The following MAMDC2 variants were observed in gnomAD, a reference collection of about 807,000 sequenced individuals.
The protein encoded by MAMDC2 is MAM domain containing 2.
A neutral mutation model predicts 89.8 loss-of-function variants in MAMDC2; 57 were observed. The observed-to-expected ratio is 0.63, with a 90% confidence interval of 0.51 to 0.79. The LOEUF (loss-of-function observed/expected upper bound fraction) is 0.79. Ranked by LOEUF, MAMDC2 falls within the 30% of genes least tolerant of loss-of-function variation. The probability of loss-of-function intolerance (pLI) is 0.00; values close to 1 mark genes in which losing one functional copy is unlikely to be tolerated. For synonymous variants in MAMDC2, 313 were observed against 293.4 expected (o/e 1.07, Z -0.68); for missense variants, 800 against 820.6 (o/e 0.97, Z 0.31).
chr9:70,049,363 C>T (rs1187733837), intron 2 of MAMDC2, among the ~76,000 whole-genome samples: 1 of 152,064 alleles, frequency 6.6e-6, no homozygotes, highest in Non-Finnish European at 1.5e-5. Flanking sequence ...GTTCTGCACT[C>T]AGTCATGTGC....
intron 7 of MAMDC2, among the ~76,000 whole-genome samples, chr9:70,136,818 T>C (rs767629851): frequency 6.6e-6 from 1 of 152,222 alleles, no homozygotes. Flanking sequence ...CTGAATACTT[T>C]AATGGGGTTT....
chr9:70,204,950 C>T (rs571533494), intron 11 of MAMDC2, among the ~76,000 whole-genome samples: 5 of 152,250 alleles, frequency 3.3e-5, no homozygotes, highest in Admixed American at 3.3e-4. Context: ...CCTGCCCCCA[C>T]TGTCTGGCAC....
At chr9:70,185,236 T>C (rs1927141) in intron 11 of MAMDC2, among the ~76,000 whole-genome samples, 138,429 of 152,300 alleles carry the variant, frequency 0.91, 63,121 homozygotes, top group East Asian at 0.98. Flanking sequence ...AGATTGCTGC[T>C]TGCTCCTTTC....
chr9:70,169,991 C>A (rs2032283167), intron 10 of MAMDC2: 1 of 153,112 alleles, frequency 6.5e-6, no homozygotes, highest in South Asian at 2.1e-4. Context: ...GAAGTGAAGT[C>A]ATTTGTTCCA....
At chr9:70,135,586 A>G (rs1198562714) in intron 7 of MAMDC2, among the ~76,000 whole-genome samples, 2 of 152,190 alleles carry the variant, frequency 1.3e-5, no homozygotes, top group Non-Finnish European at 2.9e-5. Flanking sequence ...GACTCAGTCT[A>G]TCACCATGGA....
At chr9:70,162,695 T>C (rs898531443) in intron 9 of MAMDC2, among the ~76,000 whole-genome samples, 2 of 152,038 alleles carry the variant, frequency 1.3e-5, no homozygotes, top group Non-Finnish European at 2.9e-5. Flanking sequence ...TTTTGCCATG[T>C]TGCTCAGGCT....
chr9:70,197,942 G>A (rs2033005469), intron 11 of MAMDC2, among the ~76,000 whole-genome samples: 1 of 151,988 alleles, frequency 6.6e-6, no homozygotes. Flanking sequence ...CATCACGAAT[G>A]CATTTTATTA....
At chr9:70,192,504 C>G (rs1314202433) in intron 11 of MAMDC2, among the ~76,000 whole-genome samples, 4 of 152,072 alleles carry the variant, frequency 2.6e-5, no homozygotes, top group African/African-American at 9.7e-5. Flanking sequence ...CTAAGATTAC[C>G]TTATTCCACG....
At chr9:70,088,968 C>T (rs1289153696) in intron 2 of MAMDC2, 1 of 152,112 alleles carries the variant, frequency 6.6e-6, no homozygotes, top group Admixed American at 6.6e-5. Context: ...TTGTGCTGGG[C>T]ACTTTCCATG....
intron 2 of MAMDC2, among the ~76,000 whole-genome samples, chr9:70,068,678 C>T (rs182490255): frequency 7.1e-6 from 1 of 141,412 alleles, no homozygotes; most frequent in East Asian, 2.2e-4. Context: ...AGTGAGATCG[C>T]ACCACTGCAT....
chr9:70,187,646 C>T (rs1031172831), intron 11 of MAMDC2, among the ~76,000 whole-genome samples: 1 of 152,090 alleles, frequency 6.6e-6, no homozygotes, highest in African/African-American at 2.4e-5. Flanking sequence ...TACCCCACCC[C>T]CAGAAAACTA....
intron 2 of MAMDC2, among the ~76,000 whole-genome samples, chr9:70,055,193 GAGAT>G (rs1827001102): frequency 6.6e-6 from 1 of 151,380 alleles, no homozygotes; most frequent in African/African-American, 2.4e-5. Flanking sequence ...GAAACTTAAT[GAGAT>G]AGTTATGCAA....
intron 11 of MAMDC2, among the ~76,000 whole-genome samples, chr9:70,209,331 A>G (rs2033300994): frequency 1.3e-5 from 2 of 152,148 alleles, no homozygotes; most frequent in Admixed American, 1.3e-4. Flanking sequence ...CTATTCAGGG[A>G]TTCAACTTCT....
chr9:70,208,903 C>T (rs992372763), intron 11 of MAMDC2, among the ~76,000 whole-genome samples: 1 of 151,494 alleles, frequency 6.6e-6, no homozygotes, highest in African/African-American at 2.4e-5. Flanking sequence ...TGGTTTTTGT[C>T]TTTGGTTCTG....
intron 7 of MAMDC2, among the ~76,000 whole-genome samples, chr9:70,139,497 C>T (rs1305073406): frequency 5.3e-5 from 8 of 151,822 alleles, no homozygotes; most frequent in African/African-American, 1.2e-4. Context: ...ATATGTGCCA[C>T]ATTTTCTTAA....
intron 5 of MAMDC2, among the ~76,000 whole-genome samples, chr9:70,124,311 T>G (rs1411568613): frequency 6.6e-6 from 1 of 152,242 alleles, no homozygotes; most frequent in Non-Finnish European, 1.5e-5. Context: ...ACTCTCTATT[T>G]TCTCCCTGAC....
At chr9:70,107,261 C>A (rs145307179) in intron 2 of MAMDC2, among the ~76,000 whole-genome samples, 55 of 152,166 alleles carry the variant, frequency 3.6e-4, no homozygotes, top group African/African-American at 1.3e-3. Context: ...GCCCCACCAA[C>A]TTTTATAGAA....
chr9:70,141,730 T>C (rs1425721288), intron 8 of MAMDC2, among the ~76,000 whole-genome samples: 2 of 152,102 alleles, frequency 1.3e-5, no homozygotes, highest in East Asian at 3.8e-4. Flanking sequence ...GATGATAAAA[T>C]TGCGGAGAAG....
At chr9:70,191,345 A>G (rs1426978670) in intron 11 of MAMDC2, among the ~76,000 whole-genome samples, 2 of 151,804 alleles carry the variant, frequency 1.3e-5, no homozygotes, top group East Asian at 3.9e-4. Flanking sequence ...TGTTGGTGTA[A>G]CTGTTTTATC....
Sources: allele counts gnomAD v4.1 joint callset (sites outside exome capture counted in the v4.1 genomes callset), GRCh38; gene constraint gnomAD v4.1.1; transcripts MANE v1.5; gene names NCBI Gene and HGNC (gene_info 2026-07-23, HGNC 2026-07-21).